KLHL25: variants seen among roughly 807,000 people sequenced by gnomAD.
KLHL25 encodes the protein kelch-like protein 25.
In KLHL25, 41 loss-of-function variants were observed where a neutral mutation model predicts 30.0. That is an observed-to-expected ratio of 1.37 (90% CI 1.07 to 1.78). KLHL25 has a LOEUF of 1.78. KLHL25 is among the 40% of genes most tolerant of loss of function. The probability of loss-of-function intolerance (pLI) is 0.00; values close to 1 mark genes in which losing one functional copy is unlikely to be tolerated. For missense variants in KLHL25, 971 were observed against 824.5 expected (o/e 1.18, Z -2.18); for synonymous variants, 399 against 355.3 (o/e 1.12, Z -1.38).
intron 1 of KLHL25, among the ~76,000 whole-genome samples, chr15:85,783,287 T>C (rs1597280092): frequency 6.6e-6 from 1 of 150,948 alleles, no homozygotes; most frequent in African/African-American, 2.4e-5. Context: ...AGAGATGAGG[T>C]TTTGCCATGT....
intron 1 of KLHL25, among the ~76,000 whole-genome samples, chr15:85,781,302 G>C (rs528931181): frequency 1.3e-5 from 2 of 152,284 alleles, no homozygotes; most frequent in East Asian, 3.9e-4. Flanking sequence ...TGTAACATCA[G>C]GCATCGGCCA....
At chr15:85,778,516 G>A (rs755226081) in intron 1 of KLHL25, among the ~76,000 whole-genome samples, 10 of 152,174 alleles carry the variant, frequency 6.6e-5, no homozygotes, top group South Asian at 2.1e-4. Context: ...TATAACCATC[G>A]TCTGCATTTC....
At chr15:85,771,597 C>T (rs767395938) in intron 1 of KLHL25, among the ~76,000 whole-genome samples, 5 of 152,242 alleles carry the variant, frequency 3.3e-5, no homozygotes, top group African/African-American at 1.2e-4. Flanking sequence ...GGCACAGGGC[C>T]AGACTGGCCT....
intron 1 of KLHL25, among the ~76,000 whole-genome samples, chr15:85,792,701 G>A (rs1597283869): frequency 6.6e-6 from 1 of 152,330 alleles, no homozygotes; most frequent in East Asian, 1.9e-4. Flanking sequence ...GGCTGGCAAT[G>A]AATTGGGCCT....
At chr15:85,761,692 C>G (rs1296452934) in intron 2 of KLHL25, 2 of 152,258 alleles carry the variant, frequency 1.3e-5, no homozygotes, top group African/African-American at 2.4e-5. Context: ...CATACCACTC[C>G]GAGGCCCTGA....
At chr15:85,787,805 C>T (rs1235917270) in intron 1 of KLHL25, among the ~76,000 whole-genome samples, 2 of 152,070 alleles carry the variant, frequency 1.3e-5, no homozygotes, top group African/African-American at 2.4e-5. Flanking sequence ...GCACATACAA[C>T]GGAGGACTAG....
At chr15:85,791,087 C>G (rs922124525) in intron 1 of KLHL25, among the ~76,000 whole-genome samples, 1 of 150,050 alleles carries the variant, frequency 6.7e-6, no homozygotes, top group Non-Finnish European at 1.5e-5. Flanking sequence ...ATCCCAGCTA[C>G]TGGGGAAGCT....
chr15:85,769,315 C>G lies in KLHL25; in HGVS notation c.496G>C (p.Glu166Gln). ...ACCAGGCACATGCGCCAGGAGAACTCATACAGCCGGCGGCACTGGTGGGCG... is the reference window on the plus strand; with the variant it reads ...ACCAGGCACATGCGCCAGGAGAACTGATACAGCCGGCGGCACTGGTGGGCG... ...SDAHQCRRLY[E>Q]FSWRMCLVHF... The change falls in exon 2 of 3, where the codon GAG (glutamate) becomes CAG (glutamine). Residue 166 changes from glutamate to glutamine, a missense_variant. By Grantham distance (29) the Glu-to-Gln change is conservative (BLOSUM62 2). Transcript: ENST00000337975. 1 of 1,614,114 alleles carries G rather than the reference C, an allele frequency of 6.2e-7. No individual in the cohort carries two copies. The highest frequency in any genetic ancestry group is 8.5e-7 in the Non-Finnish European group (1 of 1,180,044).
chr15:85,788,292 C>T (rs929921028), intron 1 of KLHL25, among the ~76,000 whole-genome samples: 20 of 152,162 alleles, frequency 1.3e-4, no homozygotes, highest in South Asian at 8.3e-4. Context: ...GATCCTCCCA[C>T]GGCTGGCTCA....
chr15:85,773,298 T>C (rs2089689022), intron 1 of KLHL25, among the ~76,000 whole-genome samples: 1 of 152,068 alleles, frequency 6.6e-6, no homozygotes, highest in Non-Finnish European at 1.5e-5. Context: ...CACACGAAAC[T>C]CATTCATATC....
At chr15:85,794,312 C>T (rs1445430794) in intron 1 of KLHL25, among the ~76,000 whole-genome samples, 1 of 152,230 alleles carries the variant, frequency 6.6e-6, no homozygotes, top group East Asian at 1.9e-4. Flanking sequence ...ACCCCGGGCC[C>T]TCGCTCTGCG....
Position 85,769,013 on chromosome 15 carries a change from CATG to C in KLHL25, c.795_797del (p.Ile265del), listed in dbSNP as rs2151806651. On this transcript the variant is annotated inframe_deletion, in exon 2 of 3. Coordinates refer to ENST00000337975, the MANE Select transcript of KLHL25 (RefSeq NM_022480.4). ...TGGTCTTGCAGCGCAGGGCCTCATC[CATG>C]ATAAGCTTGGTGCGCTCGTCTGCCA... 3.1e-6 allele frequency: 5 copies of C among 1,611,166 alleles called. No homozygotes were observed. Among genetic ancestry groups the C allele is most frequent in the Non-Finnish European group, 4.2e-6 (5 of 1,179,340 alleles).
chr15:85,768,920 T>C lies in KLHL25; in HGVS notation c.891A>G (p.Leu297=), dbSNP rs780835113. Reference sequence around the variant, plus strand: ...TGAAGGTCTGGCCCCCCAGGATGAGTAGCGTGTGGCCCGCCTTGCGTGGCC... The same window carrying C: ...TGAAGGTCTGGCCCCCCAGGATGAGCAGCGTGTGGCCCGCCTTGCGTGGCC... ...CARPRKAGHT[L]LILGGQTFMC... Residue 297 remains leucine, a synonymous_variant, in exon 2 of 3, where the codon CTA becomes CTG. Transcript: ENST00000337975. The C allele has an allele frequency of 1.2e-6, 2 of 1,613,254 alleles. No individual in the cohort carries two copies. The highest frequency in any genetic ancestry group is 1.1e-5 in the South Asian group (1 of 91,084).
At chr15:85,784,634 C>A (rs951397463) in intron 1 of KLHL25, among the ~76,000 whole-genome samples, 1 of 152,120 alleles carries the variant, frequency 6.6e-6, no homozygotes, top group Non-Finnish European at 1.5e-5. Context: ...CACATCACTG[C>A]AGGTTTGAAG....
rs748560618 is a variant in KLHL25 at position 85,768,325 on chromosome 15, T to A, written c.1486A>T (p.Ile496Phe). ...AAAVLGSQIF[I>F]MGGDTEFTAA... is the part of the protein sequence containing the mutation. ...GTGAATTCCGTGTCACCTCCCATGA[T>A]GAAGATCTGGCTGCCCAGGACGGCA... The change falls in exon 2 of 3, where the codon ATC (isoleucine) becomes TTC (phenylalanine). Residue 496 changes from isoleucine to phenylalanine, a missense_variant. Transcript: ENST00000337975. 6.2e-7 allele frequency: 1 copy of A among 1,613,898 alleles called. No homozygotes were observed. The highest frequency in any genetic ancestry group is 1.1e-5 in the South Asian group (1 of 91,088).
At chr15:85,785,109 T>TC (rs398028206) in intron 1 of KLHL25, among the ~76,000 whole-genome samples, 1 of 150,914 alleles carries the variant, frequency 6.6e-6, no homozygotes, top group Non-Finnish European at 1.5e-5. Flanking sequence ...TTTTTTTTTT[T>TC]CTGAGACAGT....
chr15:85,769,876 T>A, intron 1 of KLHL25, 56 bp from the exon 2 acceptor site: 1 of 1,403,844 alleles, frequency 7.1e-7, no homozygotes, highest in Non-Finnish European at 9.7e-7. Flanking sequence ...ATCTGCCCTC[T>A]CAGGGCTCAC....
chr15:85,776,750 C>A lies in KLHL25; in HGVS notation c.-10-6930G>T, dbSNP rs551333518. Among the ~76,000 whole-genome samples, 18 of 151,850 alleles carry A rather than the reference C, an allele frequency of 1.2e-4. No homozygotes were observed. The South Asian group carries it at 3.8e-3, about 32-fold the overall frequency. On this transcript the variant is annotated intron_variant, in intron 1 of 2. Transcript: ENST00000337975. ...ACCATCCTGGCTAACACAGTGAAAC[C>A]CTGCCTCTACTAAAAATACAAAAAA...
chr15:85,768,553 C>T lies in KLHL25; in HGVS notation c.1258G>A (p.Gly420Arg). ...SLKQVEKYDPGANKWMMVAPL... is the reference protein window; with the variant it reads ...SLKQVEKYDPRANKWMMVAPL... The stretch of plus-strand genomic sequence containing the variant: ...GCCACCATCATCCACTTGTTGGCCC[C>T]AGGGTCGTATTTCTCCACTTGTTTC... Residue 420 changes from glycine (G) to arginine (R), a missense_variant, in exon 2 of 3, where the codon GGG becomes AGG. By Grantham distance (125) the Gly-to-Arg change is moderately radical (BLOSUM62 -2). Transcript: ENST00000337975. The T allele has an allele frequency of 6.2e-7, 1 of 1,613,458 alleles. No individual in the cohort carries two copies. The highest frequency in any genetic ancestry group is 8.5e-7 in the Non-Finnish European group (1 of 1,179,674).
Sources: allele counts gnomAD v4.1 joint callset (sites outside exome capture counted in the v4.1 genomes callset), GRCh38; gene constraint gnomAD v4.1.1; transcripts MANE v1.5; gene names NCBI Gene and HGNC (gene_info 2026-07-23, HGNC 2026-07-21).